Variants in SLC39A14 observed in about 807,000 individuals in gnomAD.
The protein encoded by SLC39A14 is solute carrier family 39 member 14.
A neutral mutation model predicts 45.5 loss-of-function variants in SLC39A14; 19 were observed. The observed-to-expected ratio is 0.42, with a 90% CI of 0.29 to 0.61. The LOEUF (loss-of-function observed/expected upper bound fraction) is 0.61. SLC39A14 is among the 20% of genes least tolerant of loss of function. The pLI is 0.22. For missense variants in SLC39A14, 447 were observed against 616.5 expected (o/e 0.73, Z 2.91); for synonymous variants, 264 against 251.3 (o/e 1.05, Z -0.48).
chr8:22,373,261 C>CAAA, intron 1 of SLC39A14, among the ~76,000 whole-genome samples: 1 of 127,368 alleles, frequency 7.9e-6, no homozygotes, highest in Non-Finnish European at 1.7e-5. Context: ...GACTCCATCT[C>CAAA]AAAAAAAAAA....
chr8:22,422,611 ATTAAC>A lies in SLC39A14; in HGVS notation c.*2917_*2921del, dbSNP rs1836292299. 2 of 983,754 alleles carry A rather than the reference ATTAAC, an allele frequency of 2.0e-6. No individual in the cohort carries two copies. The highest frequency in any genetic ancestry group is 2.4e-6 in the Non-Finnish European group (2 of 828,146). 60.9% of individuals were successfully genotyped at this position (983,754 alleles called of 1,614,324 possible). A position where few individuals can be genotyped will look rare whatever the true frequency, so the allele number is the denominator to read the frequency against. On this transcript the variant is annotated 3_prime_UTR_variant, in exon 9 of 9. Coordinates refer to ENST00000381237, the MANE Select transcript of SLC39A14 (RefSeq NM_001128431.4). ...GTATGAGAAGAAATTAGAAAAGAAA[ATTAAC>A]TTATGTGGACTGTAAATGTTTTATT...
At chr8:22,416,534 C>T (rs1274281231) in intron 7 of SLC39A14, among the ~76,000 whole-genome samples, 1 of 152,128 alleles carries the variant, frequency 6.6e-6, no homozygotes, top group African/African-American at 2.4e-5. Flanking sequence ...AAGCGATTCT[C>T]CTGCCTCAGT....
At chr8:22,392,775 T>G (rs577451671) in intron 1 of SLC39A14, 21 of 152,544 alleles carry the variant, frequency 1.4e-4, no homozygotes, top group African/African-American at 4.6e-4. Context: ...CTGGCAAATG[T>G]GCTCCCTCCC....
intron 1 of SLC39A14, among the ~76,000 whole-genome samples, chr8:22,391,414 T>G (rs1355363929): frequency 6.6e-6 from 1 of 152,158 alleles, no homozygotes; most frequent in Non-Finnish European, 1.5e-5. Context: ...TTTAGTTCAA[T>G]TAATGTAAAT....
intron 1 of SLC39A14, among the ~76,000 whole-genome samples, chr8:22,394,658 A>T (rs1338298856): frequency 6.6e-6 from 1 of 152,070 alleles, no homozygotes; most frequent in East Asian, 1.9e-4. Flanking sequence ...TTTAATGCTC[A>T]CCGTCAGTCC....
intron 1 of SLC39A14, among the ~76,000 whole-genome samples, chr8:22,383,042 G>A (rs755384928): frequency 2.6e-5 from 4 of 152,124 alleles, no homozygotes; most frequent in Non-Finnish European, 5.9e-5. Context: ...TTAGCCTGAG[G>A]ATAGGGATCC....
intron 1 of SLC39A14, among the ~76,000 whole-genome samples, chr8:22,404,252 G>A (rs540814783): frequency 1.3e-5 from 2 of 151,868 alleles, no homozygotes; most frequent in South Asian, 2.1e-4. Context: ...GATGAAACCC[G>A]ATCTCTACTA....
exon 9 of SLC39A14, chr8:22,434,007 C>G (rs747216895): frequency 1.9e-5 from 7 of 372,112 alleles, no homozygotes; most frequent in Non-Finnish European, 3.8e-5. Flanking sequence ...GTAACTGAGC[C>G]AGCCATGTTT....
In SLC39A14 at chr8:22,419,968, G is replaced by C; in HGVS notation, c.*270G>C. 6.9e-6 allele frequency: 8 copies of C among 1,151,544 alleles called. No individual in the cohort carries two copies. The highest frequency in any genetic ancestry group is 8.6e-6 in the Non-Finnish European group (8 of 935,594). 71.3% of individuals were successfully genotyped at this position (1,151,544 alleles called of 1,614,324 possible). ...TCTGGAACCTGAATGCAGCTTACAA[G>C]ACAAGCCTGACTTTTTTCTCTGATT... On this transcript the variant is annotated 3_prime_UTR_variant, in exon 9 of 9. Coordinates refer to ENST00000381237, the MANE Select transcript of SLC39A14 (RefSeq NM_001128431.4).
In SLC39A14 at chr8:22,412,093, G is replaced by A. The variant is rs1327430244; in HGVS notation, c.514G>A (p.Ala172Thr). Residue 172 changes from alanine (A) to threonine (T), a missense_variant, in exon 4 of 9, where the codon GCC (alanine) becomes ACC (threonine). Physicochemically the swap from Ala to Thr is moderately conservative, Grantham distance 58 (BLOSUM62 0). Coordinates refer to ENST00000381237, the MANE Select transcript of SLC39A14 (RefSeq NM_001128431.4). Reference protein sequence around the residue: ...TVISLCSLLGASVVPFMKKTF... With the variant: ...TVISLCSLLGTSVVPFMKKTF... ...CATCTCCCTCTGCTCCCTCCTGGGG[G>A]CCAGCGTGGTGCCCTTCATGAAGAA... The A allele has an allele frequency of 1.3e-6, 2 of 1,551,682 alleles. No individual in the cohort carries two copies. The highest frequency in any genetic ancestry group is 8.7e-7 in the Non-Finnish European group (1 of 1,146,996).
chr8:22,377,799 A>T (rs990714694), intron 1 of SLC39A14, among the ~76,000 whole-genome samples: 1 of 152,162 alleles, frequency 6.6e-6, no homozygotes, highest in Non-Finnish European at 1.5e-5. Context: ...AGGCAGAGGC[A>T]AGTGTTTCTG....
chr8:22,371,292 G>A (rs1832913746), intron 1 of SLC39A14, among the ~76,000 whole-genome samples: 2 of 152,050 alleles, frequency 1.3e-5, no homozygotes, highest in Non-Finnish European at 2.9e-5. Flanking sequence ...GGAATGAGAA[G>A]GTGAATGCCC....
chr8:22,429,503 A>C (rs894284217), intron 8 of SLC39A14, among the ~76,000 whole-genome samples: 38 of 152,276 alleles, frequency 2.5e-4, no homozygotes, highest in Admixed American at 2.3e-3. Flanking sequence ...CTGTACTAGT[A>C]GTAATTAACA....
At chr8:22,375,062 G>C (rs1328335021) in intron 1 of SLC39A14, among the ~76,000 whole-genome samples, 1 of 151,982 alleles carries the variant, frequency 6.6e-6, no homozygotes, top group Non-Finnish European at 1.5e-5. Flanking sequence ...CTCTTATCTG[G>C]AGCAACTCCA....
At chr8:22,404,574 A>G (rs931092216) in intron 1 of SLC39A14, 122 bp from the exon 2 acceptor site, 13 of 875,238 alleles carry the variant, frequency 1.5e-5, no homozygotes, top group African/African-American at 1.2e-4. Context: ...TAATTCAAGA[A>G]GGAGCAGAGA....
At chr8:22,382,608 G>A (rs1041514793) in intron 1 of SLC39A14, among the ~76,000 whole-genome samples, 1 of 152,154 alleles carries the variant, frequency 6.6e-6, no homozygotes, top group African/African-American at 2.4e-5. Context: ...GGAGTTGAAG[G>A]CTGTAGGGAG....
At chr8:22,377,408 T>C (rs1257227831) in intron 1 of SLC39A14, among the ~76,000 whole-genome samples, 1 of 152,136 alleles carries the variant, frequency 6.6e-6, no homozygotes, top group Non-Finnish European at 1.5e-5. Flanking sequence ...TGGAGAATGC[T>C]GTTTAGAAAC....
At chr8:22,386,787 G>C (rs1336681275) in intron 1 of SLC39A14, among the ~76,000 whole-genome samples, 1 of 152,182 alleles carries the variant, frequency 6.6e-6, no homozygotes, top group Non-Finnish European at 1.5e-5. Flanking sequence ...ATGATCTCTT[G>C]TCCTCAGGGA....
At chr8:22,390,451 A>C (rs1834007808) in intron 1 of SLC39A14, among the ~76,000 whole-genome samples, 1 of 151,862 alleles carries the variant, frequency 6.6e-6, no homozygotes, top group Non-Finnish European at 1.5e-5. Flanking sequence ...GACTACAGGC[A>C]CACACAACCA....
Sources: allele counts gnomAD v4.1 joint callset (sites outside exome capture counted in the v4.1 genomes callset), GRCh38; gene constraint gnomAD v4.1.1; transcripts MANE v1.5; gene names NCBI Gene and HGNC (gene_info 2026-07-23, HGNC 2026-07-21).